The following PCBP2 variants were observed in gnomAD, a reference collection of about 807,000 sequenced individuals.
The protein encoded by PCBP2 is poly(rC)-binding protein 2.
Under a neutral mutation model 50.1 loss-of-function variants are expected in PCBP2, and 4 were observed. The ratio of observed to expected loss-of-function variants is 0.08; its 90% CI spans 0.04 to 0.18. The LOEUF (loss-of-function observed/expected upper bound fraction) is 0.18, where lower values mean the gene tolerates loss of function less well. PCBP2 is among the 10% of genes least tolerant of loss of function. The pLI, the probability that PCBP2 is intolerant of heterozygous loss-of-function variation, is 1.00. For missense variants in PCBP2, 161 were observed against 474.3 expected (o/e 0.34, Z 6.14); for synonymous variants, 179 against 168.0 (o/e 1.07, Z -0.51).
intron 14 of PCBP2, among the ~76,000 whole-genome samples, chr12:53,477,684 A>C (rs995917003): frequency 6.8e-6 from 1 of 147,028 alleles, no homozygotes; most frequent in Non-Finnish European, 1.5e-5. Flanking sequence ...AAAAAAAAAA[A>C]AAAAAAAAAA....
chr12:53,453,985 TAAA>T (rs1167402009), intron 1 of PCBP2, among the ~76,000 whole-genome samples: 1 of 152,132 alleles, frequency 6.6e-6, no homozygotes, highest in Admixed American at 6.5e-5. Context: ...AGACTTGAAA[TAAA>T]AACTGGATGG....
At chr12:53,465,057 T>TA in intron 9 of PCBP2, 1 of 443,058 alleles carries the variant, frequency 2.3e-6, no homozygotes, top group Non-Finnish European at 3.7e-6. Flanking sequence ...TTTTTTTTTT[T>TA]AATTTTTTTT....
In PCBP2 at chr12:53,456,016, A is replaced by AC. The variant is rs765328602; in HGVS notation, c.243+16dup. The AC allele has an allele frequency of 1.4e-6, 2 of 1,421,590 alleles. No homozygotes were observed. Among genetic ancestry groups the AC allele is most frequent in the Non-Finnish European group, 2.0e-6 (2 of 1,005,556 alleles). 88.1% of individuals were successfully genotyped at this position (1,421,590 alleles called of 1,614,324 possible). ...AACTGGAAGAGGTTTGTTGTCTCCCACTCCCTCATTCTTCATTTTTAAGTG... is the reference window on the plus strand; with the variant it reads ...AACTGGAAGAGGTTTGTTGTCTCCCACCTCCCTCATTCTTCATTTTTAAGTG... On this transcript the variant is annotated intron_variant, in intron 5 of 14. Transcript: ENST00000546463.
intron 10 of PCBP2, 70 bp downstream of exon 10, chr12:53,466,043 C>T: frequency 1.5e-6 from 2 of 1,304,278 alleles, no homozygotes; most frequent in Non-Finnish European, 2.2e-6. Flanking sequence ...ACTCCTCTCT[C>T]CCAAGTAGCC....
chr12:53,475,332 T>C (rs983814663), intron 14 of PCBP2: 10 of 366,662 alleles, frequency 2.7e-5, no homozygotes, highest in Non-Finnish European at 3.8e-5. Flanking sequence ...TTTACTACTT[T>C]GGGGGATAAC....
chr12:53,468,746 T>C, intron 12 of PCBP2, 31 bp from the exon 13 acceptor site: 2 of 1,573,734 alleles, frequency 1.3e-6, no homozygotes, highest in Non-Finnish European at 1.7e-6. Context: ...ATGCTGTGCA[T>C]TGAATTTGCT....
At chr12:53,475,728 TA>T (rs1942538534) in intron 14 of PCBP2, 1 of 152,364 alleles carries the variant, frequency 6.6e-6, no homozygotes, top group Non-Finnish European at 1.5e-5. Context: ...GAAGCCTGTA[TA>T]ACTGACATGG....
At position 53,464,531 on chromosome 12, in the gene PCBP2, C is replaced by T. The variant is rs1353568883; in HGVS notation, c.580-229C>T. The T allele has an allele frequency of 1.2e-5, 6 of 500,624 alleles. No homozygotes were observed. In the East Asian group the frequency reaches 1.7e-4, roughly 14 times the overall value. The allele number at this position is 500,624 out of a possible 1,614,324, so 31.0% of individuals were successfully genotyped here. On this transcript the variant is annotated intron_variant, in intron 8 of 14. Transcript: ENST00000546463. ...CCAGGAGCTGGCATCAGCTCTGTTGCCCCACCCCTTCATTCTTATTGAAAA... is the reference window on the plus strand; with the variant it reads ...CCAGGAGCTGGCATCAGCTCTGTTGTCCCACCCCTTCATTCTTATTGAAAA...
chr12:53,473,342 C>A (rs1942362731), intron 14 of PCBP2, among the ~76,000 whole-genome samples: 3 of 152,224 alleles, frequency 2.0e-5, no homozygotes, highest in Admixed American at 2.0e-4. Flanking sequence ...CTCGGCCTCC[C>A]AAAGTGCTGG....
At chr12:53,458,220 G>A (rs1346679259) in intron 5 of PCBP2, among the ~76,000 whole-genome samples, 3 of 152,094 alleles carry the variant, frequency 2.0e-5, no homozygotes, top group Non-Finnish European at 2.9e-5. Context: ...GAGCCACCGT[G>A]CCCCGCCTGT....
chr12:53,456,629 C>T (rs181677868), intron 5 of PCBP2, among the ~76,000 whole-genome samples: 131 of 152,296 alleles, frequency 8.6e-4, no homozygotes, highest in African/African-American at 3.0e-3. Flanking sequence ...CACAAATAAT[C>T]TTCCAATCCT....
At chr12:53,472,761 G>C (rs531981589) in intron 14 of PCBP2, among the ~76,000 whole-genome samples, 1 of 152,234 alleles carries the variant, frequency 6.6e-6, no homozygotes, top group Non-Finnish European at 1.5e-5. Flanking sequence ...ATATGCTATG[G>C]TTATTTAGTG....
chr12:53,466,208 CCT>C (rs1434538131), intron 10 of PCBP2, among the ~76,000 whole-genome samples: 2 of 152,198 alleles, frequency 1.3e-5, no homozygotes, highest in African/African-American at 4.8e-5. Flanking sequence ...CTCCTTTCCC[CCT>C]GTGTTTCAGA....
chr12:53,469,085 A>G (rs2137084971), intron 13 of PCBP2, among the ~76,000 whole-genome samples: 1 of 151,924 alleles, frequency 6.6e-6, no homozygotes, highest in South Asian at 2.1e-4. Context: ...TATTTTTAGT[A>G]GAGATGGAGT....
At chr12:53,472,194 T>C (rs1942291755) in intron 14 of PCBP2, among the ~76,000 whole-genome samples, 1 of 152,174 alleles carries the variant, frequency 6.6e-6, no homozygotes, top group Non-Finnish European at 1.5e-5. Context: ...GCACCCTTAA[T>C]TGTAATAAGG....
At chr12:53,457,911 G>A (rs1207172019) in intron 5 of PCBP2, among the ~76,000 whole-genome samples, 1 of 152,138 alleles carries the variant, frequency 6.6e-6, no homozygotes, top group Non-Finnish European at 1.5e-5. Flanking sequence ...AATCAATACA[G>A]TCAAATCTAT....
intron 6 of PCBP2, chr12:53,459,789 T>C: frequency 2.5e-6 from 1 of 398,594 alleles, no homozygotes; most frequent in Non-Finnish European, 5.1e-6. Context: ...GGTCTCACTC[T>C]GTCTCCCCAG....
intron 13 of PCBP2, among the ~76,000 whole-genome samples, chr12:53,469,760 CTTT>C (rs71444805): frequency 8.8e-6 from 1 of 114,162 alleles, no homozygotes. Context: ...ACATTTGCTG[CTTT>C]TTTTTTTTTT....
chr12:53,456,857 T>C (rs199622193), intron 5 of PCBP2, among the ~76,000 whole-genome samples: 8 of 152,162 alleles, frequency 5.3e-5, no homozygotes, highest in East Asian at 3.8e-4. Flanking sequence ...GCAATTGATA[T>C]CACAGGCAGA....
Sources: allele counts gnomAD v4.1 joint callset (sites outside exome capture counted in the v4.1 genomes callset), GRCh38; gene constraint gnomAD v4.1.1; transcripts MANE v1.5; gene names NCBI Gene and HGNC (gene_info 2026-07-23, HGNC 2026-07-21).